The following FMO4 variants were observed in gnomAD, a reference collection of about 807,000 sequenced individuals.
FMO4 encodes flavin containing dimethylaniline monoxygenase 4.
A neutral mutation model predicts 43.3 loss-of-function variants in FMO4; 38 were observed. That is an observed-to-expected ratio of 0.88 (90% CI 0.68 to 1.15). The LOEUF is 1.15. FMO4 is among the 50% of genes most tolerant of loss of function. The pLI is 0.00. For missense variants in FMO4, 631 were observed against 663.3 expected, an observed-to-expected ratio of 0.95 and a Z score of 0.54; for synonymous variants, 224 against 232.2, an observed-to-expected ratio of 0.96 and a Z score of 0.32.
chr1:171,317,259 A>G (rs1205563536), intron 2 of FMO4, among the ~76,000 whole-genome samples: 1 of 152,214 alleles, frequency 6.6e-6, no homozygotes, highest in Non-Finnish European at 1.5e-5. Flanking sequence ...TACCACTGTG[A>G]TAAGTGACAT....
In FMO4 at chr1:171,322,990, T is replaced by C. The variant is rs1288243199; in HGVS notation, c.133-14T>C. 6.2e-7 allele frequency: 1 copy of C among 1,604,662 alleles called. No homozygotes were observed. Among genetic ancestry groups the C allele is most frequent in the East Asian group, 2.2e-5 (1 of 44,774 alleles). On this transcript the variant is annotated splice_polypyrimidine_tract_variant and intron_variant, in intron 3 of 9. Transcript: ENST00000367749. The stretch of plus-strand genomic sequence containing the variant: ...CTCCATTATCCCAACAAGCTAACTA[T>C]GCCTTCACCACAGGAATCTTCCAAA...
intron 6 of FMO4, 31 bp downstream of exon 6, chr1:171,331,813 C>G (rs772887376): frequency 6.2e-7 from 1 of 1,606,114 alleles, no homozygotes; most frequent in Non-Finnish European, 8.5e-7. Context: ...TGCCCCTAAT[C>G]CCATCATCAG....
chr1:171,315,703 A>G (rs985434627), intron 1 of FMO4, among the ~76,000 whole-genome samples: 2 of 152,238 alleles, frequency 1.3e-5, no homozygotes, highest in African/African-American at 4.8e-5. Flanking sequence ...TCAGAAATTT[A>G]TAGTCTGTAA....
intron 2 of FMO4, among the ~76,000 whole-genome samples, chr1:171,318,830 CG>C (rs1395893382): frequency 6.6e-6 from 1 of 152,090 alleles, no homozygotes; most frequent in Non-Finnish European, 1.5e-5. Flanking sequence ...ACTATTAAAA[CG>C]GAAGAGTTCC....
At chr1:171,336,398 T>C (rs1463631977) in intron 8 of FMO4, among the ~76,000 whole-genome samples, 1 of 151,998 alleles carries the variant, frequency 6.6e-6, no homozygotes, top group Non-Finnish European at 1.5e-5. Context: ...TGCAAGCTGT[T>C]AAGGGAGAAT....
At chr1:171,333,177 T>TTTGTTG (rs565862338) in intron 7 of FMO4, 10 of 304,866 alleles carry the variant, frequency 3.3e-5, no homozygotes, top group African/African-American at 1.1e-4. Context: ...ATCACATATT[T>TTTGTTG]TTGTTGTTGT....
chr1:171,324,296 T>C lies in FMO4; in HGVS notation c.480T>C (p.Phe160=), dbSNP rs1313247190. The change falls in exon 5 of 10, where the codon TTT becomes TTC. Residue 160 remains phenylalanine, a synonymous_variant. Coordinates refer to ENST00000367749, the MANE Select transcript of FMO4 (RefSeq NM_002022.3). ...ATCCCCATTTACCTTTGGAAGCCTT[T>C]CCTGGTGAGTCATTTCTACCTGAGA... ...FLNPHLPLEA[F]PGIHKFKGQI... The C allele has an allele frequency of 2.5e-6, 4 of 1,604,506 alleles. No homozygotes were observed. In the South Asian group the frequency reaches 4.5e-5, roughly 18 times the overall value.
intron 5 of FMO4, among the ~76,000 whole-genome samples, chr1:171,328,988 G>GT (rs1448166693): frequency 1.3e-5 from 2 of 152,160 alleles, no homozygotes; most frequent in Admixed American, 1.3e-4. Context: ...ATGTGCAACT[G>GT]TATGTAATGT....
intron 5 of FMO4, 38 bp from the exon 6 acceptor site, chr1:171,331,602 T>A (rs756177325): frequency 6.2e-7 from 1 of 1,606,038 alleles, no homozygotes; most frequent in Admixed American, 1.7e-5. Flanking sequence ...ATTATAACTT[T>A]AGACATTTCA....
intron 7 of FMO4, 82 bp from the exon 8 acceptor site, chr1:171,334,329 C>T (rs1248124092): frequency 1.2e-6 from 1 of 825,606 alleles, no homozygotes; most frequent in African/African-American, 1.7e-5. Context: ...CAGGTAATTT[C>T]CCTGAATTGG....
Position 171,334,753 on chromosome 1 carries a change from A to C in FMO4, c.1170A>C (p.Arg390Ser), listed in dbSNP as rs1463635495. The C allele has an allele frequency of 8.4e-6, 13 of 1,556,528 alleles. No homozygotes were observed. The highest frequency in any genetic ancestry group is 1.1e-5 in the Non-Finnish European group (13 of 1,155,532). The change falls in exon 8 of 10, where the codon AGA becomes AGC. Residue 390 changes from arginine (R) to serine (S), a missense_variant. Physicochemically the swap from Arg to Ser is moderately radical, Grantham distance 110. Coordinates refer to ENST00000367749, the MANE Select transcript of FMO4 (RefSeq NM_002022.3). ...GTELQARWVT[R>S]VFKGLCKIPP... is the part of the protein sequence containing the mutation. ...AGCTCCAAGCACGATGGGTCACAAGAGTATTCAAAGGTACCATGACTCTAC... is the reference window on the plus strand; with the variant it reads ...AGCTCCAAGCACGATGGGTCACAAGCGTATTCAAAGGTACCATGACTCTAC...
At chr1:171,334,276 T>C in intron 7 of FMO4, 135 bp from the exon 8 acceptor site, 2 of 609,718 alleles carry the variant, frequency 3.3e-6, no homozygotes, top group South Asian at 2.1e-5. Context: ...GTCAAGTAGA[T>C]GACTTTGAAT....
At chr1:171,332,280 C>A (rs937620034) in intron 6 of FMO4, among the ~76,000 whole-genome samples, 5 of 152,042 alleles carry the variant, frequency 3.3e-5, no homozygotes, top group African/African-American at 9.7e-5. Flanking sequence ...AGTCTAAGCC[C>A]AGATTCACAA....
At chr1:171,337,509 G>C in intron 9 of FMO4, 84 bp downstream of exon 9, 1 of 944,058 alleles carries the variant, frequency 1.1e-6, no homozygotes, top group Non-Finnish European at 1.7e-6. Context: ...GCCATTCCTA[G>C]AGAAGCAGTA....
Position 171,319,915 on chromosome 1 carries a change from C to T in FMO4, c.90C>T (p.Cys30=). The change falls in exon 3 of 10, where the codon TGC becomes TGT. Residue 30 remains cysteine, a synonymous_variant. Coordinates refer to ENST00000367749, the MANE Select transcript of FMO4 (RefSeq NM_002022.3). ...CCVDEDLEPT[C]FERSDDIGGL... is the part of the protein sequence containing the mutation. ...TGGATGAGGACCTGGAGCCCACCTGCTTTGAGAGAAGTGATGACATTGGGG... is the reference window on the plus strand; with the variant it reads ...TGGATGAGGACCTGGAGCCCACCTGTTTTGAGAGAAGTGATGACATTGGGG... 3.1e-6 allele frequency: 5 copies of T among 1,613,910 alleles called. No homozygotes were observed. Among genetic ancestry groups the T allele is most frequent in the Non-Finnish European group, 4.2e-6 (5 of 1,179,826 alleles).
chr1:171,331,539 C>A, intron 5 of FMO4, 101 bp from the exon 6 acceptor site: 1 of 1,090,834 alleles, frequency 9.2e-7, no homozygotes, highest in Non-Finnish European at 1.4e-6. Context: ...AAAGGACTGC[C>A]ATAGTTGTGG....
chr1:171,334,273 A>G, intron 7 of FMO4, 138 bp from the exon 8 acceptor site: 1 of 607,498 alleles, frequency 1.6e-6, no homozygotes, highest in Non-Finnish European at 2.9e-6. Flanking sequence ...TAAGTCAAGT[A>G]GATGACTTTG....
intron 3 of FMO4, among the ~76,000 whole-genome samples, chr1:171,320,957 T>C (rs1180269857): frequency 1.3e-5 from 2 of 152,018 alleles, no homozygotes; most frequent in Admixed American, 6.6e-5. Context: ...TGTTTGCTAT[T>C]AATAGATCTC....
At chr1:171,341,384 G>T in intron 9 of FMO4, 29 bp from the exon 10 acceptor site, 1 of 1,574,890 alleles carries the variant, frequency 6.3e-7, no homozygotes, top group South Asian at 1.1e-5. Context: ...TGTGATTAAT[G>T]AAAGGTCCTC....
Sources: gnomAD v4.1 joint callset for allele counts (sites outside exome capture counted in the v4.1 genomes callset) on GRCh38, gnomAD v4.1.1 for gene constraint, MANE v1.5 for transcripts, NCBI Gene and HGNC (gene_info 2026-07-23, HGNC 2026-07-21) for gene names.